The following CDIN1 variants were observed in gnomAD, a reference collection of about 807,000 sequenced individuals.
CDIN1 encodes CDAN1-interacting nuclease 1.
In CDIN1, 33 loss-of-function variants were observed where a neutral mutation model predicts 45.3. The observed-to-expected ratio is 0.73, with a 90% CI of 0.55 to 0.97. CDIN1 has a LOEUF of 0.97. CDIN1 is among the 50% of genes least tolerant of loss of function. The pLI, the probability that CDIN1 is intolerant of heterozygous loss-of-function variation, is 0.00. For missense variants in CDIN1, 303 were observed against 339.4 expected, an observed-to-expected ratio of 0.89 and a Z score of 0.84; for synonymous variants, 118 against 124.4, an observed-to-expected ratio of 0.95 and a Z score of 0.34.
At chr15:36,694,188 T>C (rs2042344837) in intron 7 of CDIN1, among the ~76,000 whole-genome samples, 1 of 152,202 alleles carries the variant, frequency 6.6e-6, no homozygotes, top group South Asian at 2.1e-4. Flanking sequence ...CTGGGAAGTT[T>C]ACAGAGAAAC....
chr15:36,631,232 A>G (rs567174806), intron 1 of CDIN1, among the ~76,000 whole-genome samples: 4 of 152,126 alleles, frequency 2.6e-5, no homozygotes, highest in Non-Finnish European at 4.4e-5. Context: ...CATAATTTTG[A>G]TCTTCTATTT....
intron 1 of CDIN1, among the ~76,000 whole-genome samples, chr15:36,634,920 T>A: frequency 6.6e-6 from 1 of 152,340 alleles, no homozygotes; most frequent in Admixed American, 6.5e-5. Flanking sequence ...GTTTTTTAAT[T>A]TCTGAAAATT....
rs189509506 is a variant in CDIN1 at position 36,726,100 on chromosome 15, A to G, written c.716+16139A>G. ...AAATTAAGATACTTTTGTCCAAGGT[A>G]AATATTTTAATGGCATACCCAAAAT... On this transcript the variant is annotated intron_variant, in intron 10 of 10. Coordinates refer to ENST00000566621, the MANE Select transcript of CDIN1 (RefSeq NM_001321759.2). Among the ~76,000 whole-genome samples the G allele has an allele frequency of 2.6e-5, 4 of 152,340 alleles. No homozygotes were observed. The East Asian group carries it at 7.7e-4, about 29-fold the overall frequency.
intron 1 of CDIN1, chr15:36,595,031 C>A: frequency 2.0e-6 from 1 of 503,792 alleles, no homozygotes; most frequent in Non-Finnish European, 2.6e-6. Flanking sequence ...GTTCTTATGG[C>A]TTATGGAAAA....
chr15:36,785,726 A>G (rs965940732), intron 10 of CDIN1, among the ~76,000 whole-genome samples: 6 of 152,210 alleles, frequency 3.9e-5, no homozygotes, highest in African/African-American at 7.2e-5. Flanking sequence ...AGGAGTTCCA[A>G]TACTTTTTAC....
At chr15:36,793,171 TAAC>T (rs771836165) in intron 10 of CDIN1, among the ~76,000 whole-genome samples, 1 of 152,182 alleles carries the variant, frequency 6.6e-6, no homozygotes, top group Non-Finnish European at 1.5e-5. Context: ...ATAGCTCTCT[TAAC>T]AACCTTTCTG....
intron 3 of CDIN1, among the ~76,000 whole-genome samples, chr15:36,652,283 A>G (rs2040602969): frequency 6.6e-6 from 1 of 152,202 alleles, no homozygotes; most frequent in African/African-American, 2.4e-5. Context: ...TTGCTTCTTC[A>G]GAACCTGGAA....
In CDIN1 at chr15:36,738,532, G is replaced by A. The variant is rs558927240; in HGVS notation, c.716+28571G>A. ...CCTCATCTCCTACCACACACTCCCC[G>A]CTTACCCACTCTGCAACAGCCATTC... On this transcript the variant is annotated intron_variant, in intron 10 of 10. Transcript: ENST00000566621. Among the ~76,000 whole-genome samples, 131 of 151,912 alleles carry A rather than the reference G, an allele frequency of 8.6e-4. 3 individuals carry two copies. The South Asian group carries it at 0.027, about 31-fold the overall frequency.
chr15:36,637,082 A>G (rs1393554846), intron 1 of CDIN1, among the ~76,000 whole-genome samples: 2 of 152,198 alleles, frequency 1.3e-5, no homozygotes, highest in Non-Finnish European at 1.5e-5. Context: ...TGTGGTACCT[A>G]TGTAAAGATA....
At position 36,718,027 on chromosome 15, in the gene CDIN1, C is replaced by A. The variant is rs79231666; in HGVS notation, c.716+8066C>A. Among the ~76,000 whole-genome samples, 668 of 151,702 alleles carry A rather than the reference C, an allele frequency of 4.4e-3. 1 individual carries two copies. The highest frequency in any genetic ancestry group is 5.6e-3 in the Non-Finnish European group (382 of 67,790). ...CTTCATTAGTTAATTGAGTTGCTTT[C>A]TTATTGAGTTTTGGTAGTGCATTTT... is the stretch of plus-strand genomic sequence containing the variant. On this transcript the variant is annotated intron_variant, in intron 10 of 10. Transcript: ENST00000566621.
chr15:36,697,413 C>T lies in CDIN1; in HGVS notation c.544+23C>T, dbSNP rs756433899. 34 of 1,580,390 alleles carry T rather than the reference C, an allele frequency of 2.2e-5. No homozygotes were observed. In the Admixed American group the frequency reaches 2.7e-4, roughly 13 times the overall value. Reference sequence around the variant, plus strand: ...TAGGTAAGTATTATTCACATCTTCTCTAGCTTGTGTTGTCTCCCTGAGTGC... The same window carrying T: ...TAGGTAAGTATTATTCACATCTTCTTTAGCTTGTGTTGTCTCCCTGAGTGC... On this transcript the variant is annotated intron_variant, in intron 8 of 10. Transcript: ENST00000566621.
At chr15:36,636,753 C>T (rs563933726) in intron 1 of CDIN1, among the ~76,000 whole-genome samples, 1 of 152,180 alleles carries the variant, frequency 6.6e-6, no homozygotes, top group African/African-American at 2.4e-5. Flanking sequence ...GGAAGGGGAC[C>T]TTTCAATAAT....
chr15:36,618,700 C>A, intron 1 of CDIN1: 2 of 794,934 alleles, frequency 2.5e-6, no homozygotes, highest in Middle Eastern at 4.7e-4. Flanking sequence ...TGCCCAGCAA[C>A]TCAGTATGAG....
intron 10 of CDIN1, among the ~76,000 whole-genome samples, chr15:36,716,898 A>C (rs1018502034): frequency 6.6e-6 from 1 of 152,154 alleles, no homozygotes; most frequent in Non-Finnish European, 1.5e-5. Flanking sequence ...AACAGTGAGA[A>C]CTGAGCAGTA....
In CDIN1 at chr15:36,706,746, G is replaced by C. The variant is rs148248763; in HGVS notation, c.545-2477G>C. 1.4e-4 allele frequency: 22 copies of C among 152,270 alleles called. No individual in the cohort carries two copies. In the East Asian group the frequency reaches 3.9e-3, roughly 27 times the overall value. The allele number at this position is 152,270 out of a possible 1,614,324, so 9.4% of individuals were successfully genotyped here. A position where few individuals can be genotyped will look rare whatever the true frequency, so the allele number is the denominator to read the frequency against. On this transcript the variant is annotated intron_variant, in intron 8 of 10. Coordinates refer to ENST00000566621, the MANE Select transcript of CDIN1 (RefSeq NM_001321759.2). The stretch of plus-strand genomic sequence containing the variant: ...ATGTAGAACAGACAGTTGGGACCAA[G>C]GATGAAAGATAACAGTGAGAGTTCT...
intron 10 of CDIN1, among the ~76,000 whole-genome samples, chr15:36,739,109 A>C (rs886444029): frequency 6.6e-6 from 1 of 152,224 alleles, no homozygotes; most frequent in Non-Finnish European, 1.5e-5. Flanking sequence ...TGAAGAAAAC[A>C]AGGCTGGGTG....
intron 5 of CDIN1, among the ~76,000 whole-genome samples, chr15:36,689,487 T>C (rs2042166869): frequency 6.6e-6 from 1 of 152,206 alleles, no homozygotes; most frequent in African/African-American, 2.4e-5. Flanking sequence ...AAGGTGCTCC[T>C]ATTTTCTTAG....
Position 36,579,761 on chromosome 15 carries a change from C to A in CDIN1, c.-100C>A. ...AAGCCAAGCAGGCGAGGACCCGGGC[C>A]TGTGCCGCTTTGCCTACCCCTCATC... On this transcript the variant is annotated 5_prime_UTR_variant, in exon 1 of 11. In the 5' UTR this introduces an upstream ATG that the reference lacks. Transcript: ENST00000566621. 1 of 936,692 alleles carries A rather than the reference C, an allele frequency of 1.1e-6. No homozygotes were observed. Among genetic ancestry groups the A allele is most frequent in the Non-Finnish European group, 1.6e-6 (1 of 617,550 alleles). 58.0% of individuals were successfully genotyped at this position (936,692 alleles called of 1,614,324 possible).
chr15:36,785,227 T>C (rs1052579875), intron 10 of CDIN1, among the ~76,000 whole-genome samples: 1 of 152,176 alleles, frequency 6.6e-6, no homozygotes, highest in African/African-American at 2.4e-5. Flanking sequence ...GCTAAGGTGT[T>C]CTCATAGACT....
Sources: allele counts gnomAD v4.1 joint callset (sites outside exome capture counted in the v4.1 genomes callset), GRCh38; gene constraint gnomAD v4.1.1; transcripts MANE v1.5; gene names NCBI Gene and HGNC (gene_info 2026-07-23, HGNC 2026-07-21).